TBC1D22A: variants seen among roughly 807,000 people sequenced by gnomAD.
TBC1D22A encodes TBC1 domain family member 22A, also known as putative GTPase activator.
A neutral mutation model predicts 60.2 loss-of-function variants in TBC1D22A; 38 were observed. The observed-to-expected ratio is 0.63, with a 90% CI of 0.49 to 0.83. The LOEUF is 0.83. Ranked by LOEUF, TBC1D22A falls within the 40% of genes least tolerant of loss-of-function variation. The pLI is 0.00. For synonymous variants in TBC1D22A, 302 were observed against 281.7 expected (o/e 1.07, Z -0.72); for missense variants, 628 against 701.0 (o/e 0.90, Z 1.18).
chr22:46,778,985 A>C (rs2083822397), intron 1 of TBC1D22A, among the ~76,000 whole-genome samples: 1 of 152,178 alleles, frequency 6.6e-6, no homozygotes, highest in South Asian at 2.1e-4. Context: ...CAGAGGCTGC[A>C]GTGAGTCGAG....
At chr22:46,883,790 G>T (rs1394138530) in intron 5 of TBC1D22A, among the ~76,000 whole-genome samples, 1 of 152,172 alleles carries the variant, frequency 6.6e-6, no homozygotes, top group African/African-American at 2.4e-5. Flanking sequence ...CCCATCATTG[G>T]CCAGGCTCTG....
chr22:47,059,124 C>T (rs981751985), intron 11 of TBC1D22A, among the ~76,000 whole-genome samples: 8 of 152,242 alleles, frequency 5.3e-5, no homozygotes, highest in Non-Finnish European at 5.9e-5. Flanking sequence ...CATCAAGGCT[C>T]GGCCAGGGTA....
chr22:46,906,454 C>T (rs1107132), intron 7 of TBC1D22A, among the ~76,000 whole-genome samples: 62,155 of 151,944 alleles, frequency 0.41, 15,542 homozygotes, highest in African/African-American at 0.68. Flanking sequence ...AATGGTGGGC[C>T]TGAACACAGC....
chr22:46,957,208 G>A (rs911402620), intron 8 of TBC1D22A, among the ~76,000 whole-genome samples: 1 of 152,240 alleles, frequency 6.6e-6, no homozygotes, highest in African/African-American at 2.4e-5. Flanking sequence ...GCATACAGCT[G>A]TTTGGAAATA....
chr22:47,031,769 GC>G (rs2062482114), intron 10 of TBC1D22A, among the ~76,000 whole-genome samples: 2 of 152,244 alleles, frequency 1.3e-5, no homozygotes, highest in Admixed American at 1.3e-4. Flanking sequence ...TGAGGTGTGT[GC>G]CCCCCTTCAG....
intron 12 of TBC1D22A, among the ~76,000 whole-genome samples, chr22:47,145,775 G>C (rs2067263884): frequency 6.6e-6 from 1 of 152,216 alleles, no homozygotes; most frequent in African/African-American, 2.4e-5. Flanking sequence ...CTTTCTAAGA[G>C]AAGGTTTCCA....
intron 11 of TBC1D22A, among the ~76,000 whole-genome samples, chr22:47,105,647 G>A (rs1321205836): frequency 2.0e-5 from 3 of 152,188 alleles, no homozygotes; most frequent in South Asian, 2.1e-4. Flanking sequence ...GGGAGCCCCC[G>A]TTCATGTTAC....
intron 4 of TBC1D22A, among the ~76,000 whole-genome samples, chr22:46,866,803 G>A (rs141283485): frequency 6.1e-4 from 93 of 152,356 alleles, no homozygotes; most frequent in African/African-American, 1.9e-3. Context: ...GCTGGGCTGT[G>A]CTAGTGCAGC....
intron 4 of TBC1D22A, among the ~76,000 whole-genome samples, chr22:46,837,756 G>A (rs187192641): frequency 6.8e-4 from 103 of 152,312 alleles, no homozygotes; most frequent in African/African-American, 2.2e-3. Flanking sequence ...ATAGTGATAA[G>A]TGCCTTGTTA....
intron 11 of TBC1D22A, among the ~76,000 whole-genome samples, chr22:47,054,590 C>T (rs1309316936): frequency 1.3e-5 from 2 of 152,236 alleles, no homozygotes; most frequent in East Asian, 1.9e-4. Context: ...ATTGCTATTC[C>T]AGCCACGCGG....
At chr22:47,008,604 C>T (rs1016026974) in intron 10 of TBC1D22A, among the ~76,000 whole-genome samples, 4 of 152,188 alleles carry the variant, frequency 2.6e-5, no homozygotes, top group East Asian at 1.9e-4. Flanking sequence ...TGACCTGGTC[C>T]GTATCTGCAG....
rs1400825358 is a variant in TBC1D22A at position 46,990,760 on chromosome 22, C to T, written c.1126-6874C>T. On this transcript the variant is annotated intron_variant, in intron 9 of 12. Coordinates refer to ENST00000337137, the MANE Select transcript of TBC1D22A (RefSeq NM_014346.5). This position sits in a 1 kb window ranked among gnomAD's most constrained non-coding sequence, Gnocchi z 4.6. ...GTTGGAACCTTTTCATCCCACTGCT[C>T]CTGCTGCGGTGGCTTCTCTCCCCGT... Among the ~76,000 whole-genome samples the T allele has an allele frequency of 6.6e-6, 1 of 152,186 alleles. No individual in the cohort carries two copies. Among genetic ancestry groups the T allele is most frequent in the Non-Finnish European group, 1.5e-5 (1 of 68,048 alleles).
At chr22:47,025,754 A>T (rs2062233595) in intron 10 of TBC1D22A, among the ~76,000 whole-genome samples, 1 of 152,188 alleles carries the variant, frequency 6.6e-6, no homozygotes, top group African/African-American at 2.4e-5. Flanking sequence ...CTTAGAGGGA[A>T]ACGTATAGTA....
At chr22:46,817,408 C>CA (rs1217786666) in intron 4 of TBC1D22A, among the ~76,000 whole-genome samples, 1 of 152,188 alleles carries the variant, frequency 6.6e-6, no homozygotes, top group Non-Finnish European at 1.5e-5. Flanking sequence ...TCCCTCCCCT[C>CA]ACCCGCCCAC....
chr22:46,857,387 C>T (rs1240790285), intron 4 of TBC1D22A, among the ~76,000 whole-genome samples: 2 of 152,222 alleles, frequency 1.3e-5, no homozygotes, highest in East Asian at 1.9e-4. Context: ...TCGCTGTAGT[C>T]CCGCAGCAGA....
intron 5 of TBC1D22A, among the ~76,000 whole-genome samples, chr22:46,889,040 TATAAA>T (rs752532945): frequency 3.9e-4 from 59 of 152,144 alleles, no homozygotes; most frequent in Non-Finnish European, 8.1e-4. Context: ...GAACACTAAT[TATAAA>T]AGAAAAACTA....
chr22:46,831,978 T>G (rs955308915), intron 4 of TBC1D22A, among the ~76,000 whole-genome samples: 1 of 152,206 alleles, frequency 6.6e-6, no homozygotes, highest in African/African-American at 2.4e-5. Context: ...TATTATTGTA[T>G]CTTTCCAAGT....
chr22:46,831,841 A>G (rs1036739327), intron 4 of TBC1D22A, among the ~76,000 whole-genome samples: 3 of 152,246 alleles, frequency 2.0e-5, no homozygotes, highest in Non-Finnish European at 2.9e-5. Flanking sequence ...GCGATAGATC[A>G]TCGTGGCGAA....
At chr22:47,119,097 C>T (rs758871174) in intron 12 of TBC1D22A, among the ~76,000 whole-genome samples, 2 of 151,968 alleles carry the variant, frequency 1.3e-5, no homozygotes, top group Non-Finnish European at 2.9e-5. Flanking sequence ...TGCAGTGAGC[C>T]GAGACCACAC....
Sources: gnomAD v4.1 joint callset for allele counts (sites outside exome capture counted in the v4.1 genomes callset) on GRCh38, gnomAD v4.1.1 for gene constraint, Gnocchi (gnomAD v3.1) non-coding constraint, MANE v1.5 for transcripts, NCBI Gene and HGNC (gene_info 2026-07-23, HGNC 2026-07-21) for gene names.